Variants in KIRREL3 observed in about 807,000 individuals in gnomAD.
The protein encoded by KIRREL3 is kirre like nephrin family adhesion molecule 3.
A neutral mutation model predicts 89.7 loss-of-function variants in KIRREL3; 36 were observed. The ratio of observed to expected loss-of-function variants is 0.40; its 90% confidence interval spans 0.31 to 0.53. KIRREL3 has a LOEUF of 0.53. Among genes scored for constraint, KIRREL3 ranks in the 20% least tolerant of loss-of-function variants. The probability of loss-of-function intolerance (pLI) is 0.49; values close to 1 mark genes in which losing one functional copy is unlikely to be tolerated. For missense variants in KIRREL3, 864 were observed against 1,056.6 expected (o/e 0.82, Z 2.53); for synonymous variants, 445 against 441.4 (o/e 1.01, Z -0.10).
intron 1 of KIRREL3, among the ~76,000 whole-genome samples, chr11:126,873,591 A>G (rs940332037): frequency 8.5e-5 from 13 of 152,242 alleles, no homozygotes; most frequent in African/African-American, 3.1e-4. Context: ...CAATTTTTAT[A>G]TAATTACTAG....
intron 1 of KIRREL3, among the ~76,000 whole-genome samples, chr11:126,638,557 G>A (rs1944351706): frequency 6.6e-6 from 1 of 152,214 alleles, no homozygotes; most frequent in South Asian, 2.1e-4. Flanking sequence ...AAAAGCTGAA[G>A]CATTCAGATG....
In KIRREL3 at chr11:126,576,692, G is replaced by A. The variant is rs71475970; in HGVS notation, c.56-13780C>T. ...GTACCACCAGTTGGTTTGAATGTGG[G>A]TGCACGTGCATGTATGAGTTCATTA... On this transcript the variant is annotated intron_variant, in intron 1 of 16. Coordinates refer to ENST00000525144, the MANE Select transcript of KIRREL3 (RefSeq NM_032531.4). This position sits in a 1 kb window ranked among gnomAD's most constrained non-coding sequence, Gnocchi z 5.4. 0.096 allele frequency among the ~76,000 whole-genome samples: 14,646 copies of A among 152,202 alleles called. 730 individuals are homozygous for A. Among genetic ancestry groups the A allele is most frequent in the African/African-American group, 0.11 (4,496 of 41,530 alleles).
Position 126,645,579 on chromosome 11 carries a change from C to T in KIRREL3, c.56-82667G>A, listed in dbSNP as rs1944634852. On this transcript the variant is annotated intron_variant, in intron 1 of 16. Transcript: ENST00000525144. The surrounding 1 kb of genome is among the most constrained non-coding windows in gnomAD (Gnocchi z 4.9). The stretch of plus-strand genomic sequence containing the variant: ...CTGGGCTACAGTGTTCCACCAGAGG[C>T]CTTCCACATCTAAATGGAAGCATCA... 6.6e-6 allele frequency among the ~76,000 whole-genome samples: 1 copy of T among 152,168 alleles called. No individual in the cohort carries two copies. Among genetic ancestry groups the T allele is most frequent in the South Asian group, 2.1e-4 (1 of 4,820 alleles).
Position 126,627,740 on chromosome 11 carries a change from A to G in KIRREL3, c.56-64828T>C, listed in dbSNP as rs1466862121. 6.6e-6 allele frequency among the ~76,000 whole-genome samples: 1 copy of G among 152,078 alleles called. No homozygotes were observed. The highest frequency in any genetic ancestry group is 1.5e-5 in the Non-Finnish European group (1 of 68,024). ...ATTGGCGGCAGGAGGGAGGGAGAAG[A>G]ATGTTCTTTATGGGGGGTGTTGGCA... On this transcript the variant is annotated intron_variant, in intron 1 of 16. Coordinates refer to ENST00000525144, the MANE Select transcript of KIRREL3 (RefSeq NM_032531.4). This position sits in a 1 kb window ranked among gnomAD's most constrained non-coding sequence, Gnocchi z 5.0.
At chr11:126,549,006 A>G (rs657320) in intron 2 of KIRREL3, among the ~76,000 whole-genome samples, 138,331 of 152,244 alleles carry the variant, frequency 0.91, 63,105 homozygotes, top group East Asian at 1. Context: ...TGAGCTGAGA[A>G]CAGGTTAGTG....
At chr11:126,482,731 C>T (rs1957256461) in intron 4 of KIRREL3, among the ~76,000 whole-genome samples, 1 of 152,184 alleles carries the variant, frequency 6.6e-6, no homozygotes, top group Admixed American at 6.5e-5. Flanking sequence ...GGGTGAAGAC[C>T]CTGCTGCTCC....
intron 1 of KIRREL3, among the ~76,000 whole-genome samples, chr11:126,986,007 C>G (rs992012773): frequency 5.9e-5 from 9 of 152,152 alleles, no homozygotes; most frequent in African/African-American, 1.7e-4. Flanking sequence ...TTCTCTGTCT[C>G]TCCTCTCTGG....
intron 1 of KIRREL3, among the ~76,000 whole-genome samples, chr11:126,699,127 T>C (rs1045538417): frequency 1.3e-5 from 2 of 151,952 alleles, no homozygotes; most frequent in African/African-American, 4.8e-5. Context: ...CCCAAGAGGA[T>C]CTTGAAGGCT....
intron 1 of KIRREL3, among the ~76,000 whole-genome samples, chr11:126,894,582 A>G (rs1592299517): frequency 6.8e-6 from 1 of 147,366 alleles, no homozygotes; most frequent in East Asian, 2.0e-4. Context: ...GAAAAGAAAG[A>G]AAGAAAGAAA....
intron 1 of KIRREL3, among the ~76,000 whole-genome samples, chr11:126,902,880 CT>C (rs1946426293): frequency 6.6e-6 from 1 of 152,188 alleles, no homozygotes; most frequent in African/African-American, 2.4e-5. Flanking sequence ...GCACCCTCAT[CT>C]CTCAGAAAGA....
In KIRREL3 at chr11:126,843,035, TC is replaced by T. The variant is rs1042153039; in HGVS notation, c.55+157419del. Reference sequence around the variant, plus strand: ...TTCTGAGTTCATCTGATCCCTGGACTCCCTGCCTAACTGAACACAATCCAAA... The same window carrying T: ...TTCTGAGTTCATCTGATCCCTGGACTCCTGCCTAACTGAACACAATCCAAA... On this transcript the variant is annotated intron_variant, in intron 1 of 16. Transcript: ENST00000525144. The surrounding 1 kb of genome is among the most constrained non-coding windows in gnomAD (Gnocchi z 4.6). Among the ~76,000 whole-genome samples the T allele has an allele frequency of 6.6e-6, 1 of 152,042 alleles. No homozygotes were observed. The highest frequency in any genetic ancestry group is 1.5e-5 in the Non-Finnish European group (1 of 68,010).
At chr11:126,567,715 G>A (rs1354740500) in intron 1 of KIRREL3, among the ~76,000 whole-genome samples, 1 of 152,200 alleles carries the variant, frequency 6.6e-6, no homozygotes, top group African/African-American at 2.4e-5. Flanking sequence ...CTGGTTACGT[G>A]TCTGCATGCC....
intron 1 of KIRREL3, among the ~76,000 whole-genome samples, chr11:126,961,473 A>G (rs1049729382): frequency 6.6e-6 from 1 of 152,240 alleles, no homozygotes; most frequent in Non-Finnish European, 1.5e-5. Flanking sequence ...CCAACACCTA[A>G]TACAGAGCAA....
At chr11:126,509,991 C>CAAAAAAAAAAAAAAAAAAA (rs58061522) in intron 4 of KIRREL3, among the ~76,000 whole-genome samples, 57 of 62,052 alleles carry the variant, frequency 9.2e-4, no homozygotes, top group East Asian at 1.6e-3. Flanking sequence ...GACTCCGTCT[C>CAAAAAAAAAAAAAAAAAAA]AAAAAAAAAA....
intron 8 of KIRREL3, 99 bp from the exon 9 acceptor site, chr11:126,446,985 G>A (rs74980544): frequency 7.0e-7 from 1 of 1,435,590 alleles, no homozygotes; most frequent in Non-Finnish European, 9.4e-7. Flanking sequence ...TGACTGGGGG[G>A]AGGCAGGCAG....
At chr11:126,524,089 G>C (rs1023371275) in intron 3 of KIRREL3, among the ~76,000 whole-genome samples, 3 of 152,152 alleles carry the variant, frequency 2.0e-5, no homozygotes, top group Non-Finnish European at 4.4e-5. Context: ...TTCTATAGTC[G>C]AATTGCCTGG....
intron 1 of KIRREL3, among the ~76,000 whole-genome samples, chr11:126,790,771 C>A (rs975600604): frequency 1.3e-5 from 2 of 152,024 alleles, no homozygotes; most frequent in African/African-American, 4.8e-5. Flanking sequence ...GACTGGAGCT[C>A]GGCTCTGTGG....
rs1026324542 is a variant in KIRREL3 at position 126,783,448 on chromosome 11, C to A, written c.55+217007G>T. Among the ~76,000 whole-genome samples the A allele has an allele frequency of 2.6e-5, 4 of 152,140 alleles. No individual in the cohort carries two copies. The highest frequency in any genetic ancestry group is 6.5e-5 in the Admixed American group (1 of 15,280). ...TCTGTGGTATTGGGTGTTAGGACTT[C>A]AACATATTATATTTGAGGAGGAGGA... On this transcript the variant is annotated intron_variant, in intron 1 of 16. Transcript: ENST00000525144. This position sits in a 1 kb window ranked among gnomAD's most constrained non-coding sequence, Gnocchi z 4.3.
Position 126,497,063 on chromosome 11 carries a change from A to C in KIRREL3, c.434-23597T>G, listed in dbSNP as rs1017716542. Among the ~76,000 whole-genome samples, 8 of 152,150 alleles carry C rather than the reference A, an allele frequency of 5.3e-5. No individual in the cohort carries two copies. In the East Asian group the frequency reaches 5.8e-4, roughly 11 times the overall value. On this transcript the variant is annotated intron_variant, in intron 4 of 16. Transcript: ENST00000525144. ...CTGCATACAGGACCACACGTGACAC[A>C]GAGGCATGTGAGGCTCTGCATGTGC...
Sources: allele counts gnomAD v4.1 joint callset (sites outside exome capture counted in the v4.1 genomes callset), GRCh38; gene constraint gnomAD v4.1.1; non-coding constraint Gnocchi (gnomAD v3.1); transcripts MANE v1.5; gene names NCBI Gene and HGNC (gene_info 2026-07-23, HGNC 2026-07-21).